ANO4: variants seen among roughly 807,000 people sequenced by gnomAD.
ANO4 encodes the protein anoctamin 4.
Under a neutral mutation model 141.9 loss-of-function variants are expected in ANO4, and 69 were observed. The ratio of observed to expected loss-of-function variants is 0.49; its 90% confidence interval spans 0.40 to 0.59. The LOEUF (loss-of-function observed/expected upper bound fraction) is 0.59. Ranked by LOEUF, ANO4 falls within the 20% of genes least tolerant of loss-of-function variation. ANO4 has a pLI of 0.00. For missense variants in ANO4, 894 were observed against 1,162.2 expected, an observed-to-expected ratio of 0.77 and a Z score of 3.36; for synonymous variants, 350 against 394.3, an observed-to-expected ratio of 0.89 and a Z score of 1.33.
At chr12:100,822,799 T>C (rs1431435375) in intron 1 of ANO4, among the ~76,000 whole-genome samples, 1 of 151,974 alleles carries the variant, frequency 6.6e-6, no homozygotes, top group Admixed American at 6.6e-5. Flanking sequence ...CCCCTTATCT[T>C]TGGGGCTCTT....
intron 3 of ANO4, among the ~76,000 whole-genome samples, chr12:100,744,475 T>G (rs1475685170): frequency 6.6e-6 from 1 of 152,134 alleles, no homozygotes; most frequent in Non-Finnish European, 1.5e-5. Context: ...GCCCTCTGGC[T>G]TCTTATTATA....
At chr12:100,754,505 G>C (rs1193191721) in intron 3 of ANO4, among the ~76,000 whole-genome samples, 3 of 150,798 alleles carry the variant, frequency 2.0e-5, no homozygotes, top group Non-Finnish European at 4.4e-5. Flanking sequence ...TCATGGACTT[G>C]GTGGTCCTCA....
intron 14 of ANO4, among the ~76,000 whole-genome samples, chr12:101,067,866 A>G (rs1476357780): frequency 1.3e-5 from 2 of 152,226 alleles, no homozygotes; most frequent in African/African-American, 4.8e-5. Flanking sequence ...ACTGAAGCTT[A>G]TATTTAGATA....
chr12:100,815,691 T>C (rs1370909879), intron 1 of ANO4, among the ~76,000 whole-genome samples: 1 of 152,080 alleles, frequency 6.6e-6, no homozygotes, highest in African/African-American at 2.4e-5. Context: ...TCAAATAATA[T>C]TATTTTAGAT....
At chr12:100,907,397 C>T (rs924495805) in intron 2 of ANO4, among the ~76,000 whole-genome samples, 9 of 152,300 alleles carry the variant, frequency 5.9e-5, no homozygotes, top group African/African-American at 2.2e-4. Context: ...TCCGCTTCCT[C>T]CAAGAAGCTT....
intron 1 of ANO4, among the ~76,000 whole-genome samples, chr12:100,857,664 A>T (rs2038249097): frequency 6.6e-6 from 1 of 152,146 alleles, no homozygotes; most frequent in Non-Finnish European, 1.5e-5. Flanking sequence ...GACATCATTA[A>T]ATTATCCATG....
At position 100,821,820 on chromosome 12, in the gene ANO4, A is replaced by G. The variant is rs919337965; in HGVS notation, c.-141+26793A>G. Among the ~76,000 whole-genome samples the G allele has an allele frequency of 3.9e-5, 6 of 152,152 alleles. No individual in the cohort carries two copies. In the South Asian group the frequency reaches 1.0e-3, roughly 26 times the overall value. On this transcript the variant is annotated intron_variant, in intron 1 of 27. Transcript: ENST00000392977. ...CAAGTTAATGAACATTTTTGTACAT[A>G]TATCTTACAGTATGTAGGCTGACAT...
intron 2 of ANO4, among the ~76,000 whole-genome samples, chr12:100,915,863 T>G (rs1354112159): frequency 4.6e-5 from 7 of 152,218 alleles, no homozygotes; most frequent in Admixed American, 4.6e-4. Context: ...GTTAGTTTAG[T>G]GCCAGTATCT....
chr12:100,915,542 T>C (rs2041299108), intron 2 of ANO4, among the ~76,000 whole-genome samples: 1 of 152,172 alleles, frequency 6.6e-6, no homozygotes, highest in Non-Finnish European at 1.5e-5. Flanking sequence ...TTGTCAGGCT[T>C]TCCTTTATTT....
chr12:100,845,313 A>T (rs1362952580), intron 1 of ANO4, among the ~76,000 whole-genome samples: 1 of 152,176 alleles, frequency 6.6e-6, no homozygotes, highest in South Asian at 2.1e-4. Context: ...CATTTCTGAG[A>T]TGGCACCTGA....
chr12:100,935,368 G>A (rs765816442), intron 3 of ANO4, among the ~76,000 whole-genome samples: 8 of 152,106 alleles, frequency 5.3e-5, no homozygotes, highest in Non-Finnish European at 1.0e-4. Flanking sequence ...TTTTGTCGTT[G>A]ATTCTGTTTA....
chr12:100,810,595 A>G (rs1040440190), intron 1 of ANO4, among the ~76,000 whole-genome samples: 4 of 152,138 alleles, frequency 2.6e-5, no homozygotes, highest in African/African-American at 7.2e-5. Flanking sequence ...ATGGACCAGG[A>G]TAGTGATTCT....
intron 9 of ANO4, among the ~76,000 whole-genome samples, chr12:101,025,644 G>C (rs2046703556): frequency 6.6e-6 from 1 of 152,196 alleles, no homozygotes; most frequent in South Asian, 2.1e-4. Flanking sequence ...GCAGTGAGGA[G>C]AATACTCAGA....
intron 14 of ANO4, among the ~76,000 whole-genome samples, chr12:101,077,813 G>C (rs1165383300): frequency 6.6e-6 from 1 of 152,074 alleles, no homozygotes; most frequent in Non-Finnish European, 1.5e-5. Flanking sequence ...CAAACTTAGG[G>C]GAAAAACACT....
intron 8 of ANO4, among the ~76,000 whole-genome samples, chr12:101,001,210 G>C (rs373265712): frequency 6.6e-6 from 1 of 152,080 alleles, no homozygotes; most frequent in African/African-American, 2.4e-5. Context: ...AAAATAAGGA[G>C]GGGTTAACCT....
At position 100,974,886 on chromosome 12, in the gene ANO4, G is replaced by A; in HGVS notation, c.599G>A (p.Ser200Asn). 2 of 1,614,082 alleles carry A rather than the reference G, an allele frequency of 1.2e-6. No homozygotes were observed. The highest frequency in any genetic ancestry group is 1.7e-6 in the Non-Finnish European group (2 of 1,179,978). ...YYLPRRYKFM[S>N]RIDKQISRFR... ...CTGCCCCGCCGTTACAAGTTCATGAGCAGGTTAGTAGCACGCTCTGTCCTG... is the reference window on the plus strand; with the variant it reads ...CTGCCCCGCCGTTACAAGTTCATGAACAGGTTAGTAGCACGCTCTGTCCTG... Residue 200 changes from serine (S) to asparagine (N), a missense_variant, in exon 7 of 28, where the codon AGC (serine) becomes AAC (asparagine). Physicochemically the swap from Ser to Asn is conservative, Grantham distance 46. Around this residue, in one of 2 missense-constraint regions of ANO4, gnomAD observed 257 missense variants for 253.0 expected, o/e 1.02. Coordinates refer to ENST00000392977, the MANE Select transcript of ANO4 (RefSeq NM_001286615.2).
At chr12:100,941,770 C>G (rs970811603) in intron 4 of ANO4, among the ~76,000 whole-genome samples, 1 of 151,924 alleles carries the variant, frequency 6.6e-6, no homozygotes, top group Non-Finnish European at 1.5e-5. Context: ...GTGAGCATAT[C>G]AATTTTCACT....
intron 16 of ANO4, among the ~76,000 whole-genome samples, chr12:101,085,559 A>T (rs2049456934): frequency 6.6e-6 from 1 of 152,186 alleles, no homozygotes; most frequent in African/African-American, 2.4e-5. Flanking sequence ...ACACTATTTT[A>T]TAGAATGGAC....
intron 1 of ANO4, among the ~76,000 whole-genome samples, chr12:100,800,520 G>A (rs915092901): frequency 6.6e-6 from 1 of 152,176 alleles, no homozygotes; most frequent in Non-Finnish European, 1.5e-5. Flanking sequence ...TCGTAGAAGG[G>A]CACCTTTGCT....
Sources: allele counts gnomAD v4.1 joint callset (sites outside exome capture counted in the v4.1 genomes callset), GRCh38; gene constraint gnomAD v4.1.1; regional missense constraint gnomAD v4.1.1; transcripts MANE v1.5; gene names NCBI Gene and HGNC (gene_info 2026-07-23, HGNC 2026-07-21).